TANGO6: variants seen among roughly 807,000 people sequenced by gnomAD.
The protein encoded by TANGO6 is transport and Golgi organization protein 6 homolog.
Under a neutral mutation model 114.2 loss-of-function variants are expected in TANGO6, and 90 were observed. That is an observed-to-expected ratio of 0.79 (90% confidence interval 0.66 to 0.94). The LOEUF (loss-of-function observed/expected upper bound fraction) is 0.94, where lower values mean the gene tolerates loss of function less well. Ranked by LOEUF, TANGO6 falls within the 40% of genes least tolerant of loss-of-function variation. The pLI, the probability that TANGO6 is intolerant of heterozygous loss-of-function variation, is 0.00. For synonymous variants in TANGO6, 477 were observed against 509.8 expected, an observed-to-expected ratio of 0.94 and a Z score of 0.87; for missense variants, 1,274 against 1,315.3, an observed-to-expected ratio of 0.97 and a Z score of 0.49.
intron 14 of TANGO6, among the ~76,000 whole-genome samples, chr16:68,949,510 A>G (rs571068940): frequency 2.6e-5 from 4 of 152,078 alleles, no homozygotes; most frequent in Non-Finnish European, 4.4e-5. Flanking sequence ...AATCCCAGCT[A>G]CTTGGGAGGC....
intron 4 of TANGO6, among the ~76,000 whole-genome samples, chr16:68,871,929 T>G (rs1962277299): frequency 6.6e-6 from 1 of 151,626 alleles, no homozygotes; most frequent in South Asian, 2.1e-4. Flanking sequence ...CAAGGGCAAA[T>G]TTTTAATAGT....
intron 16 of TANGO6, among the ~76,000 whole-genome samples, chr16:69,030,948 C>T (rs1959583811): frequency 6.6e-6 from 1 of 151,808 alleles, no homozygotes; most frequent in Non-Finnish European, 1.5e-5. Flanking sequence ...CCCAGCTACT[C>T]AGGAAGCTGA....
intron 14 of TANGO6, among the ~76,000 whole-genome samples, chr16:68,962,894 C>G (rs1166854718): frequency 1.3e-5 from 2 of 149,692 alleles, no homozygotes; most frequent in Non-Finnish European, 3.0e-5. Context: ...ATCTCTGTGG[C>G]TAACATGGTG....
chr16:68,861,313 C>T (rs958519968), intron 2 of TANGO6, among the ~76,000 whole-genome samples: 1 of 152,200 alleles, frequency 6.6e-6, no homozygotes, highest in African/African-American at 2.4e-5. Context: ...GCAGCCTCCA[C>T]AGCCAGGTTT....
intron 15 of TANGO6, among the ~76,000 whole-genome samples, chr16:69,018,436 C>A (rs917023735): frequency 2.0e-5 from 3 of 150,718 alleles, no homozygotes; most frequent in African/African-American, 7.3e-5. Context: ...GTGTGAGCCA[C>A]CGCGCCCGGC....
intron 14 of TANGO6, among the ~76,000 whole-genome samples, chr16:68,956,991 C>T (rs1366925702): frequency 6.6e-6 from 1 of 152,074 alleles, no homozygotes; most frequent in Non-Finnish European, 1.5e-5. Flanking sequence ...GTTTCTATAC[C>T]TGTAGTGTCT....
intron 15 of TANGO6, among the ~76,000 whole-genome samples, chr16:68,974,824 C>T (rs1201391487): frequency 6.6e-6 from 1 of 152,028 alleles, no homozygotes; most frequent in Non-Finnish European, 1.5e-5. Context: ...CCTGTAATCT[C>T]AGCGCTTTGG....
chr16:68,949,685 G>A lies in TANGO6; in HGVS notation c.2701+19390G>A, dbSNP rs61623021. ...TATGAGGATGTGAAGAAATGTTGCC[G>A]GTAGAAATGTAAAATGGTACAGTTG... On this transcript the variant is annotated intron_variant, in intron 14 of 17. Transcript: ENST00000261778. Among the ~76,000 whole-genome samples, 912 of 151,860 alleles carry A rather than the reference G, an allele frequency of 6.0e-3. 13 individuals are homozygous for A. Among genetic ancestry groups the A allele is most frequent in the African/African-American group, 0.021 (868 of 41,454 alleles).
intron 16 of TANGO6, among the ~76,000 whole-genome samples, chr16:69,037,748 C>A (rs937122958): frequency 2.0e-5 from 3 of 152,200 alleles, no homozygotes; most frequent in Admixed American, 1.3e-4. Context: ...CTGAAAACAG[C>A]CCCCAAAGGG....
At chr16:68,947,152 G>A (rs1159550742) in intron 14 of TANGO6, among the ~76,000 whole-genome samples, 1 of 152,138 alleles carries the variant, frequency 6.6e-6, no homozygotes, top group Non-Finnish European at 1.5e-5. Flanking sequence ...AATTGGCCAT[G>A]TTGTTCTATC....
At chr16:68,946,528 C>G (rs1963416562) in intron 14 of TANGO6, among the ~76,000 whole-genome samples, 1 of 152,058 alleles carries the variant, frequency 6.6e-6, no homozygotes, top group Non-Finnish European at 1.5e-5. Context: ...CTTACTCTCA[C>G]CCAAGTTGGT....
At chr16:68,922,018 G>A (rs1262625583) in intron 12 of TANGO6, among the ~76,000 whole-genome samples, 1 of 151,914 alleles carries the variant, frequency 6.6e-6, no homozygotes, top group Non-Finnish European at 1.5e-5. Context: ...TCTGAATTGT[G>A]TTTTCAGTTA....
At chr16:68,918,742 A>G (rs1963047339) in intron 11 of TANGO6, among the ~76,000 whole-genome samples, 1 of 152,246 alleles carries the variant, frequency 6.6e-6, no homozygotes, top group Non-Finnish European at 1.5e-5. Flanking sequence ...ACTAAATGAG[A>G]TTGTACATGT....
chr16:69,070,169 C>T (rs1960276068), intron 17 of TANGO6, among the ~76,000 whole-genome samples: 1 of 151,498 alleles, frequency 6.6e-6, no homozygotes, highest in Non-Finnish European at 1.5e-5. Flanking sequence ...GATCGTGCCA[C>T]TGCACTCCAG....
chr16:69,060,137 TC>T (rs1158170653), intron 17 of TANGO6, among the ~76,000 whole-genome samples: 2 of 152,162 alleles, frequency 1.3e-5, no homozygotes, highest in Non-Finnish European at 2.9e-5. Flanking sequence ...CCTGTAGGAC[TC>T]CGCTACATGT....
intron 15 of TANGO6, among the ~76,000 whole-genome samples, chr16:69,019,429 A>C (rs1959363572): frequency 6.6e-6 from 1 of 152,168 alleles, no homozygotes; most frequent in African/African-American, 2.4e-5. Flanking sequence ...AGGAATTGGG[A>C]GCATTTTGGA....
At chr16:68,908,761 G>A (rs575512094) in intron 10 of TANGO6, among the ~76,000 whole-genome samples, 41 of 152,278 alleles carry the variant, frequency 2.7e-4, no homozygotes, top group African/African-American at 9.6e-4. Context: ...GTTTGAGAAT[G>A]TGAGGTGATC....
At chr16:69,080,839 G>A (rs756389141) in intron 17 of TANGO6, among the ~76,000 whole-genome samples, 1 of 152,076 alleles carries the variant, frequency 6.6e-6, no homozygotes. Flanking sequence ...ATAAGATGGG[G>A]CTAATAACCT....
chr16:68,907,712 G>C, intron 10 of TANGO6, 137 bp downstream of exon 10: 1 of 1,092,480 alleles, frequency 9.2e-7, no homozygotes, highest in Non-Finnish European at 1.3e-6. Flanking sequence ...AGGACATAAA[G>C]GAATTTATTT....
Sources: allele counts gnomAD v4.1 joint callset (sites outside exome capture counted in the v4.1 genomes callset), GRCh38; gene constraint gnomAD v4.1.1; transcripts MANE v1.5; gene names NCBI Gene and HGNC (gene_info 2026-07-23, HGNC 2026-07-21).